ZSCAN25: variants seen among roughly 807,000 people sequenced by gnomAD.
ZSCAN25 encodes zinc finger and SCAN domain-containing protein 25.
Under a neutral mutation model 38.7 loss-of-function variants are expected in ZSCAN25, and 27 were observed. That is an observed-to-expected ratio of 0.70 (90% CI 0.51 to 0.96). The LOEUF (loss-of-function observed/expected upper bound fraction) is 0.96. Ranked by LOEUF, ZSCAN25 falls within the 40% of genes least tolerant of loss-of-function variation. The probability of loss-of-function intolerance (pLI) is 0.00; values close to 1 mark genes in which losing one functional copy is unlikely to be tolerated. For missense variants in ZSCAN25, 637 were observed against 705.9 expected (o/e 0.90, Z 1.11); for synonymous variants, 273 against 277.7 (o/e 0.98, Z 0.17).
At chr7:99,673,013 A>G in the ZSCAN25 span, 1 of 394,046 alleles carries the variant, frequency 2.5e-6, no homozygotes, top group Non-Finnish European at 3.7e-6. Flanking sequence ...CTCCTATGCC[A>G]CTCTCCATAA....
the ZSCAN25 span, chr7:99,716,011 C>T: frequency 1.2e-6 from 2 of 1,602,412 alleles, no homozygotes; most frequent in Non-Finnish European, 1.7e-6. Context: ...AGACAAACAG[C>T]CACAGACTTT....
the ZSCAN25 span, among the ~76,000 whole-genome samples, chr7:99,669,969 T>C: frequency 1.3e-5 from 2 of 152,140 alleles, no homozygotes; most frequent in African/African-American, 4.8e-5. Flanking sequence ...AGAAAATCCA[T>C]GTGCACAAGC....
At chr7:99,729,033 T>C in the ZSCAN25 span, among the ~76,000 whole-genome samples, 1 of 152,106 alleles carries the variant, frequency 6.6e-6, no homozygotes, top group Non-Finnish European at 1.5e-5. Context: ...TGGCCTGGTA[T>C]ATGACAATAT....
the ZSCAN25 span, among the ~76,000 whole-genome samples, chr7:99,726,774 A>G: frequency 1.3e-5 from 2 of 152,098 alleles, no homozygotes; most frequent in African/African-American, 4.8e-5. Flanking sequence ...TCAACAAGAT[A>G]CCCTCCTGCT....
At chr7:99,687,355 T>A in the ZSCAN25 span, among the ~76,000 whole-genome samples, 1 of 152,038 alleles carries the variant, frequency 6.6e-6, no homozygotes, top group African/African-American at 2.4e-5. Flanking sequence ...AGGCCAAGGA[T>A]TGAGAACTAC....
the ZSCAN25 span, chr7:99,666,699 A>C: frequency 1.9e-6 from 3 of 1,613,984 alleles, no homozygotes; most frequent in Admixed American, 1.7e-5. Context: ...TCTAAGCACA[A>C]AACAGATCAG....
At chr7:99,722,455 C>T in the ZSCAN25 span, 2 of 1,378,774 alleles carry the variant, frequency 1.5e-6, no homozygotes, top group Non-Finnish European at 2.0e-6. Context: ...GACTTGCTGG[C>T]AGTTAGAGGA....
At chr7:99,638,850 C>T in the ZSCAN25 span, 70 of 644,186 alleles carry the variant, frequency 1.1e-4, no homozygotes, top group East Asian at 1.2e-3. Context: ...GAAACTGAAA[C>T]GAAGGCTCCC....
At chr7:99,710,740 G>A in the ZSCAN25 span, 2 of 1,613,798 alleles carry the variant, frequency 1.2e-6, no homozygotes, top group East Asian at 2.2e-5. Flanking sequence ...ACCTTATTGG[G>A]TAAAACTGTA....
the ZSCAN25 span, chr7:99,700,073 C>T: frequency 7.0e-6 from 10 of 1,435,108 alleles, no homozygotes; most frequent in Admixed American, 1.7e-5. Context: ...CTGAGTCTTA[C>T]TTTCAGCTGT....
chr7:99,619,855 G>A lies in ZSCAN25; in HGVS notation c.249G>A (p.Glu83=). ...PELHTKEQIL[E]LLVLEQFLTI... is the part of the protein sequence containing the mutation. ...TGCACACCAAGGAGCAGATCCTGGA[G>A]CTGCTGGTGCTGGAGCAGTTCCTCA... is the stretch of plus-strand genomic sequence containing the variant. The change falls in exon 4 of 8, where the codon GAG becomes GAA. Residue 83 remains glutamate (E), a synonymous_variant. Transcript: ENST00000394152. The A allele has an allele frequency of 6.8e-6, 11 of 1,614,242 alleles. No individual in the cohort carries two copies. The highest frequency in any genetic ancestry group is 9.3e-6 in the Non-Finnish European group (11 of 1,180,046).
chr7:99,727,316 A>G, the ZSCAN25 span, among the ~76,000 whole-genome samples: 1 of 152,230 alleles, frequency 6.6e-6, no homozygotes, highest in Non-Finnish European at 1.5e-5. Context: ...TAATACTTTT[A>G]GAAGCCCTCA....
chr7:99,660,197 A>G, the ZSCAN25 span: 2 of 968,592 alleles, frequency 2.1e-6, no homozygotes, highest in South Asian at 8.8e-5. Context: ...CTGTTTGGCC[A>G]TCTTCTCGCC....
At chr7:99,672,884 A>G in the ZSCAN25 span, 1 of 1,390,318 alleles carries the variant, frequency 7.2e-7, no homozygotes, top group Non-Finnish European at 9.3e-7. Flanking sequence ...TCATATGATG[A>G]AGGGTAATGT....
chr7:99,702,534 A>G, the ZSCAN25 span, among the ~76,000 whole-genome samples: 1 of 152,222 alleles, frequency 6.6e-6, no homozygotes, highest in Admixed American at 6.5e-5. Context: ...TCTTGAAAAC[A>G]TTGTCAAAAA....
the ZSCAN25 span, chr7:99,666,510 G>C: frequency 1.5e-6 from 2 of 1,355,358 alleles, no homozygotes; most frequent in Non-Finnish European, 1.1e-6. Flanking sequence ...CTGGTCACTG[G>C]AGTAACCCAA....
the ZSCAN25 span, chr7:99,722,145 A>G: frequency 3.2e-6 from 3 of 946,980 alleles, no homozygotes; most frequent in East Asian, 2.6e-5. Context: ...TCCCAAATAC[A>G]TATCTTCTTC....
the ZSCAN25 span, among the ~76,000 whole-genome samples, chr7:99,644,100 T>G: frequency 2.0e-5 from 3 of 152,158 alleles, no homozygotes; most frequent in Non-Finnish European, 4.4e-5. Context: ...CTCCAGTGTT[T>G]GCTGTCATCG....
At chr7:99,686,917 G>C in the ZSCAN25 span, among the ~76,000 whole-genome samples, 20 of 152,302 alleles carry the variant, frequency 1.3e-4, no homozygotes, top group Non-Finnish European at 2.6e-4. Context: ...AGGCAAACAG[G>C]GTCTGGAGTG....
Sources: gnomAD v4.1 joint callset for allele counts (sites outside exome capture counted in the v4.1 genomes callset) on GRCh38, gnomAD v4.1.1 for gene constraint, MANE v1.5 for transcripts, NCBI Gene and HGNC (gene_info 2026-07-23, HGNC 2026-07-21) for gene names.